The following TRIM24 variants were observed in gnomAD, a reference collection of about 807,000 sequenced individuals.
TRIM24 encodes tripartite motif containing 24, also known as transcription intermediary factor 1-alpha.
TRIM24 carries 29 observed loss-of-function variants against 123.9 expected under a neutral mutation model. The observed-to-expected ratio is 0.23, with a 90% confidence interval of 0.17 to 0.32. The LOEUF is 0.32. Among genes scored for constraint, TRIM24 ranks in the 10% least tolerant of loss-of-function variants. The pLI is 1.00. For synonymous variants in TRIM24, 456 were observed against 461.1 expected (o/e 0.99, Z 0.14); for missense variants, 932 against 1,295.3 (o/e 0.72, Z 4.31).
At chr7:138,566,859 G>A (rs1209767043) in intron 9 of TRIM24, among the ~76,000 whole-genome samples, 1 of 152,054 alleles carries the variant, frequency 6.6e-6, no homozygotes, top group Admixed American at 6.6e-5. Context: ...TTCATTTTGA[G>A]TACACCCACT....
rs181424477 is a variant in TRIM24, at chr7:138,526,050, C to T, written c.881+693C>T. Among the ~76,000 whole-genome samples the T allele has an allele frequency of 3.7e-4, 56 of 152,252 alleles. 1 individual carries two copies. In the East Asian group the frequency reaches 0.01, roughly 28 times the overall value. ...ATTTAATTTACACACCTATGAAATCCCATGACCTCTTCTGTTGTTTTACAC... is the reference window on the plus strand; with the variant it reads ...ATTTAATTTACACACCTATGAAATCTCATGACCTCTTCTGTTGTTTTACAC... On this transcript the variant is annotated intron_variant, in intron 5 of 18. Coordinates refer to ENST00000343526, the MANE Select transcript of TRIM24 (RefSeq NM_015905.3).
intron 1 of TRIM24, among the ~76,000 whole-genome samples, chr7:138,468,911 T>C (rs1425509198): frequency 6.6e-6 from 1 of 152,238 alleles, no homozygotes; most frequent in Non-Finnish European, 1.5e-5. Flanking sequence ...TGCTATGTTC[T>C]GCATTGGCTG....
At position 138,554,998 on chromosome 7, in the gene TRIM24, G is replaced by C; in HGVS notation, c.1530+32G>C. 6.2e-7 allele frequency: 1 copy of C among 1,600,434 alleles called. No individual in the cohort carries two copies. The highest frequency in any genetic ancestry group is 1.1e-5 in the South Asian group (1 of 90,246). ...TTGGAAGCAGGCCTGTCCTCACTTA[G>C]ATAATTATAGTATAATTGTGTTTAG... On this transcript the variant is annotated intron_variant, in intron 9 of 18. Coordinates refer to ENST00000343526, the MANE Select transcript of TRIM24 (RefSeq NM_015905.3). This position sits in a 1 kb window ranked among gnomAD's most constrained non-coding sequence, Gnocchi z 4.5.
At chr7:138,545,907 A>G (rs956373778) in intron 7 of TRIM24, among the ~76,000 whole-genome samples, 9 of 152,224 alleles carry the variant, frequency 5.9e-5, no homozygotes, top group Admixed American at 3.3e-4. Context: ...ATAAGATTAC[A>G]TGAATTCATA....
chr7:138,580,725 T>G, intron 16 of TRIM24, 31 bp downstream of exon 16: 1 of 1,604,842 alleles, frequency 6.2e-7, no homozygotes, highest in African/African-American at 1.3e-5. Context: ...ATTATTGTAT[T>G]GTAGTGCAAT....
chr7:138,531,207 ATACGTG>A (rs1194635261), intron 6 of TRIM24, among the ~76,000 whole-genome samples: 1 of 146,752 alleles, frequency 6.8e-6, no homozygotes, highest in African/African-American at 2.7e-5. Flanking sequence ...GTATACATGT[ATACGTG>A]TATGTTACAT....
chr7:138,554,921 C>T lies in TRIM24; in HGVS notation c.1485C>T (p.Asn495=), dbSNP rs1337334224. 1 of 1,614,146 alleles carries T rather than the reference C, an allele frequency of 6.2e-7. No individual in the cohort carries two copies. The highest frequency in any genetic ancestry group is 1.3e-5 in the African/African-American group (1 of 75,052). ...QRRPAPVGLP[N]PRMQGPIQQP... Reference sequence around the variant, plus strand: ...GGCCAGCACCTGTGGGTTTACCAAACCCTAGAATGCAGGGGCCCATCCAGC... The same window carrying T: ...GGCCAGCACCTGTGGGTTTACCAAATCCTAGAATGCAGGGGCCCATCCAGC... Residue 495 remains asparagine (N), a synonymous_variant, in exon 9 of 19, where the codon AAC becomes AAT. Transcript: ENST00000343526. This position sits in a 1 kb window ranked among gnomAD's most constrained non-coding sequence, Gnocchi z 4.5.
intron 1 of TRIM24, among the ~76,000 whole-genome samples, chr7:138,500,127 A>T (rs1437446705): frequency 6.6e-6 from 1 of 152,188 alleles, no homozygotes; most frequent in Non-Finnish European, 1.5e-5. Flanking sequence ...AAGAAGTGCG[A>T]GCCATTCCTA....
intron 7 of TRIM24, among the ~76,000 whole-genome samples, chr7:138,543,718 C>T (rs1345093697): frequency 6.6e-6 from 1 of 152,208 alleles, no homozygotes; most frequent in Non-Finnish European, 1.5e-5. Context: ...TATCCATTAT[C>T]CTACTTACCT....
intron 13 of TRIM24, 104 bp downstream of exon 13, chr7:138,576,549 C>A: frequency 1.1e-6 from 1 of 914,938 alleles, no homozygotes; most frequent in Non-Finnish European, 1.6e-6. Flanking sequence ...TGAACAATTT[C>A]CTTTATTTTT....
rs1341115508 is a variant in TRIM24 at position 138,586,263 on chromosome 7, T to C, written c.*1312T>C. 2 of 171,164 alleles carry C rather than the reference T, an allele frequency of 1.2e-5. No individual in the cohort carries two copies. The highest frequency in any genetic ancestry group is 3.2e-4 in the East Asian group (2 of 6,206). The allele number at this position is 171,164 out of a possible 1,614,324, so 10.6% of individuals were successfully genotyped here. On this transcript the variant is annotated 3_prime_UTR_variant, in exon 19 of 19. Transcript: ENST00000343526. Reference sequence around the variant, plus strand: ...ACAATATCTAAATGGTTTGCCGAAGTTAATCTGTATTTATAAAACATTAAC... The same window carrying C: ...ACAATATCTAAATGGTTTGCCGAAGCTAATCTGTATTTATAAAACATTAAC...
intron 1 of TRIM24, among the ~76,000 whole-genome samples, chr7:138,502,437 G>T (rs897856580): frequency 6.6e-6 from 1 of 152,174 alleles, no homozygotes; most frequent in Non-Finnish European, 1.5e-5. Context: ...TGAAAAAGAG[G>T]CTCAAAAAGA....
At chr7:138,495,687 ATCC>A (rs1236196370) in intron 1 of TRIM24, among the ~76,000 whole-genome samples, 1 of 151,878 alleles carries the variant, frequency 6.6e-6, no homozygotes, top group African/African-American at 2.4e-5. Context: ...GCCTCAAGCA[ATCC>A]TCCTGCTTCA....
At chr7:138,574,507 GA>G (rs1301542657) in intron 12 of TRIM24, among the ~76,000 whole-genome samples, 5 of 152,132 alleles carry the variant, frequency 3.3e-5, no homozygotes, top group Admixed American at 3.3e-4. Context: ...ATTGCCAAAG[GA>G]CATGATAAGT....
chr7:138,480,285 A>C (rs1400619442), intron 1 of TRIM24, among the ~76,000 whole-genome samples: 1 of 152,050 alleles, frequency 6.6e-6, no homozygotes, highest in Non-Finnish European at 1.5e-5. Context: ...TATGTTAACA[A>C]TTCCTTCATT....
chr7:138,487,108 T>A (rs1795664852), intron 1 of TRIM24, among the ~76,000 whole-genome samples: 1 of 152,184 alleles, frequency 6.6e-6, no homozygotes, highest in South Asian at 2.1e-4. Flanking sequence ...CAATTGTGAA[T>A]GGGAGTTCAC....
chr7:138,513,866 T>C (rs1796339953), intron 2 of TRIM24, among the ~76,000 whole-genome samples: 1 of 152,232 alleles, frequency 6.6e-6, no homozygotes, highest in African/African-American at 2.4e-5. Context: ...TTTCTTTTTA[T>C]AGCTTACTGT....
intron 4 of TRIM24, among the ~76,000 whole-genome samples, chr7:138,520,290 G>T (rs1796480083): frequency 2.0e-5 from 3 of 152,218 alleles, no homozygotes; most frequent in African/African-American, 7.2e-5. Flanking sequence ...AAATTAGCTA[G>T]TAAGTTGTTC....
intron 4 of TRIM24, among the ~76,000 whole-genome samples, chr7:138,523,529 G>A (rs1796545209): frequency 6.6e-6 from 1 of 152,144 alleles, no homozygotes; most frequent in Non-Finnish European, 1.5e-5. Flanking sequence ...GCCGAGGCGG[G>A]CGGATCACAA....
Sources: gnomAD v4.1 joint callset for allele counts (sites outside exome capture counted in the v4.1 genomes callset) on GRCh38, gnomAD v4.1.1 for gene constraint, Gnocchi (gnomAD v3.1) non-coding constraint, MANE v1.5 for transcripts, NCBI Gene and HGNC (gene_info 2026-07-23, HGNC 2026-07-21) for gene names.